Variants in NFIA observed in about 807,000 individuals in gnomAD.
NFIA encodes nuclear factor 1 A-type.
NFIA carries 8 observed loss-of-function variants against 62.8 expected under a neutral mutation model. That is an observed-to-expected ratio of 0.13 (90% CI 0.07 to 0.23). The LOEUF (loss-of-function observed/expected upper bound fraction) is 0.23. Ranked by LOEUF, NFIA falls within the 10% of genes least tolerant of loss-of-function variation. The pLI, the probability that NFIA is intolerant of heterozygous loss-of-function variation, is 1.00. For missense variants in NFIA, 410 were observed against 642.1 expected (o/e 0.64, Z 3.91); for synonymous variants, 235 against 238.1 (o/e 0.99, Z 0.12).
chr1:61,255,762 T>C (rs1159222674), intron 2 of NFIA, among the ~76,000 whole-genome samples: 1 of 152,204 alleles, frequency 6.6e-6, no homozygotes, highest in Non-Finnish European at 1.5e-5. Context: ...AAAAGATACC[T>C]CTTTTTTCTT....
chr1:61,408,789 T>G (rs1665968704), intron 9 of NFIA, among the ~76,000 whole-genome samples: 1 of 152,216 alleles, frequency 6.6e-6, no homozygotes, highest in Non-Finnish European at 1.5e-5. Flanking sequence ...ATCAATTTCC[T>G]CTTCTATAAA....
intron 3 of NFIA, among the ~76,000 whole-genome samples, chr1:61,323,953 G>C (rs370039208): frequency 6.6e-6 from 1 of 152,110 alleles, no homozygotes; most frequent in South Asian, 2.1e-4. Context: ...ACAAATAACT[G>C]TCCAGTCAGG....
At chr1:61,196,341 G>A (rs1022425801) in intron 2 of NFIA, among the ~76,000 whole-genome samples, 7 of 152,080 alleles carry the variant, frequency 4.6e-5, no homozygotes, top group African/African-American at 1.7e-4. Flanking sequence ...TAAATTCCTA[G>A]GTCATGGCTA....
intron 2 of NFIA, among the ~76,000 whole-genome samples, chr1:61,106,375 T>C (rs1646600652): frequency 6.6e-6 from 1 of 151,856 alleles, no homozygotes; most frequent in African/African-American, 2.4e-5. Flanking sequence ...TGTTTGAGTT[T>C]GTCCATGCTG....
intron 2 of NFIA, among the ~76,000 whole-genome samples, chr1:61,140,589 G>A (rs959663837): frequency 7.9e-5 from 12 of 151,894 alleles, no homozygotes; most frequent in Non-Finnish European, 1.5e-4. Flanking sequence ...TTATAAAATA[G>A]CCTGGGATAT....
chr1:61,443,458 C>T (rs1667674394), intron 10 of NFIA, among the ~76,000 whole-genome samples: 1 of 152,160 alleles, frequency 6.6e-6, no homozygotes, highest in African/African-American at 2.4e-5. Flanking sequence ...CTCTGAACCC[C>T]ACCACCCCCA....
intron 6 of NFIA, among the ~76,000 whole-genome samples, chr1:61,382,397 A>G (rs1471669733): frequency 1.3e-5 from 2 of 152,230 alleles, no homozygotes; most frequent in Non-Finnish European, 2.9e-5. Flanking sequence ...TTGTATTAAC[A>G]TGAAAGCAAT....
rs57108456 is a variant in NFIA, at chr1:61,416,544, G to A, written c.1420+9817G>A. On this transcript the variant is annotated intron_variant, in intron 9 of 10. Transcript: ENST00000403491. ...TAGTTGGTTGCAGGTTCTGCCTTAC[G>A]AACCCATTAAATATAAATGTACTTG... Among the ~76,000 whole-genome samples, 1,356 of 152,144 alleles carry A rather than the reference G, an allele frequency of 8.9e-3. 16 individuals carry two copies. The highest frequency in any genetic ancestry group is 0.031 in the African/African-American group (1,276 of 41,500).
At chr1:61,407,437 T>TAC (rs1665897188) in intron 9 of NFIA, among the ~76,000 whole-genome samples, 1 of 152,210 alleles carries the variant, frequency 6.6e-6, no homozygotes, top group African/African-American at 2.4e-5. Flanking sequence ...TTACTTGAAC[T>TAC]AGAGAGAGAG....
chr1:61,258,785 G>A (rs1222314635), intron 2 of NFIA, among the ~76,000 whole-genome samples: 1 of 151,996 alleles, frequency 6.6e-6, no homozygotes, highest in East Asian at 1.9e-4. Context: ...CTGGAGTGGG[G>A]TGACATGATC....
intron 3 of NFIA, among the ~76,000 whole-genome samples, chr1:61,329,092 G>C (rs562723249): frequency 6.9e-6 from 1 of 144,780 alleles, no homozygotes; most frequent in Admixed American, 7.0e-5. Context: ...CGGTCGCCCA[G>C]GCTGGAGTGC....
intron 2 of NFIA, among the ~76,000 whole-genome samples, chr1:61,090,464 T>G (rs1455494450): frequency 1.3e-5 from 2 of 152,216 alleles, no homozygotes; most frequent in Non-Finnish European, 1.5e-5. Context: ...AGTTTTCGTC[T>G]TAAACATTTC....
At chr1:61,403,538 C>T (rs968041678) in intron 7 of NFIA, among the ~76,000 whole-genome samples, 1 of 152,054 alleles carries the variant, frequency 6.6e-6, no homozygotes, top group African/African-American at 2.4e-5. Flanking sequence ...CATCTGAAGG[C>T]GACATAAACC....
At chr1:61,405,815 T>A (rs1665788147) in intron 8 of NFIA, among the ~76,000 whole-genome samples, 1 of 152,206 alleles carries the variant, frequency 6.6e-6, no homozygotes, top group Admixed American at 6.5e-5. Context: ...GGGGAATTTT[T>A]TGTTAAAGAG....
chr1:61,429,710 T>C (rs753882752), intron 10 of NFIA, among the ~76,000 whole-genome samples: 1 of 152,246 alleles, frequency 6.6e-6, no homozygotes, highest in Non-Finnish European at 1.5e-5. Flanking sequence ...ATGTGGTCTA[T>C]ACATAGAATG....
chr1:61,131,660 A>G (rs1201442486), intron 2 of NFIA, among the ~76,000 whole-genome samples: 1 of 152,158 alleles, frequency 6.6e-6, no homozygotes, highest in African/African-American at 2.4e-5. Flanking sequence ...AAAAGGAAAA[A>G]AAAAAGATTC....
intron 2 of NFIA, among the ~76,000 whole-genome samples, chr1:61,115,984 G>GTGGTTATC (rs1313374144): frequency 6.7e-6 from 1 of 150,362 alleles, no homozygotes; most frequent in Non-Finnish European, 1.5e-5. Flanking sequence ...CTTTCCTCCA[G>GTGGTTATC]TGGTTATCTG....
At chr1:61,289,604 A>C (rs1411682762) in intron 3 of NFIA, among the ~76,000 whole-genome samples, 1 of 152,246 alleles carries the variant, frequency 6.6e-6, no homozygotes, top group East Asian at 1.9e-4. Context: ...CAAGTTATTT[A>C]AACTCTTAAA....
chr1:61,163,410 G>A (rs781299018), intron 2 of NFIA, among the ~76,000 whole-genome samples: 6 of 152,104 alleles, frequency 3.9e-5, no homozygotes, highest in Non-Finnish European at 5.9e-5. Context: ...TTATTTTAAA[G>A]CAAAGTTAAT....
Sources: gnomAD v4.1 joint callset for allele counts (sites outside exome capture counted in the v4.1 genomes callset) on GRCh38, gnomAD v4.1.1 for gene constraint, MANE v1.5 for transcripts, NCBI Gene and HGNC (gene_info 2026-07-23, HGNC 2026-07-21) for gene names.